The following SPMIP3 variants were observed in gnomAD, a reference collection of about 807,000 sequenced individuals.
The protein encoded by SPMIP3 is sperm microtubule inner protein 3.
chr1:244,364,113 C>CTT, the SPMIP3 span, among the ~76,000 whole-genome samples: 1,742 of 148,084 alleles, frequency 0.012, 34 homozygotes, highest in African/African-American at 0.039. Context: ...TTTGCTTTTT[C>CTT]TTTTTTTTTT....
the SPMIP3 span, among the ~76,000 whole-genome samples, chr1:244,357,815 G>A: frequency 1.3e-5 from 2 of 152,024 alleles, no homozygotes; most frequent in Non-Finnish European, 2.9e-5. Context: ...CAGAGGCTCA[G>A]GCCTGTAATC....
chr1:244,364,020 A>C, the SPMIP3 span, among the ~76,000 whole-genome samples: 11 of 152,224 alleles, frequency 7.2e-5, no homozygotes, highest in Admixed American at 7.2e-4. Context: ...ATCTTGGGTC[A>C]CAACTGATCA....
chr1:244,384,112 C>T, the SPMIP3 span, among the ~76,000 whole-genome samples: 1 of 152,144 alleles, frequency 6.6e-6, no homozygotes, highest in Non-Finnish European at 1.5e-5. Flanking sequence ...AAATGTTCCT[C>T]TAACTGTGGA....
chr1:244,373,118 C>G, the SPMIP3 span, among the ~76,000 whole-genome samples: 1 of 151,588 alleles, frequency 6.6e-6, no homozygotes, highest in African/African-American at 2.4e-5. Context: ...CAGCGGCTCG[C>G]ACCTGCAATC....
the SPMIP3 span, among the ~76,000 whole-genome samples, chr1:244,355,413 G>A: frequency 1.2e-4 from 19 of 152,162 alleles, no homozygotes; most frequent in South Asian, 1.5e-3. Flanking sequence ...TGATTGAGAC[G>A]GAGTGTCATC....
At chr1:244,360,306 T>C in the SPMIP3 span, among the ~76,000 whole-genome samples, 3 of 152,100 alleles carry the variant, frequency 2.0e-5, no homozygotes, top group African/African-American at 7.2e-5. Flanking sequence ...GAGAACAGTA[T>C]GAAGGTTCCT....
the SPMIP3 span, among the ~76,000 whole-genome samples, chr1:244,384,241 T>C: frequency 6.6e-6 from 1 of 152,176 alleles, no homozygotes; most frequent in East Asian, 1.9e-4. Flanking sequence ...CTCACTCCCA[T>C]TGCCCAGGCT....
At chr1:244,360,273 T>C in the SPMIP3 span, among the ~76,000 whole-genome samples, 303 of 152,204 alleles carry the variant, frequency 2.0e-3, 5 homozygotes, top group African/African-American at 6.9e-3. Context: ...TTGGTAGGAA[T>C]GTAAATTAGT....
chr1:244,384,752 G>T, the SPMIP3 span, among the ~76,000 whole-genome samples: 1 of 152,160 alleles, frequency 6.6e-6, no homozygotes, highest in African/African-American at 2.4e-5. Context: ...TGCTTAGGTG[G>T]CAATGATTGT....
At chr1:244,353,307 G>A in the SPMIP3 span, among the ~76,000 whole-genome samples, 32 of 152,158 alleles carry the variant, frequency 2.1e-4, no homozygotes, top group Non-Finnish European at 2.9e-5. Context: ...CACTCTGGGA[G>A]GCCGAGGTGG....
chr1:244,356,731 A>G, the SPMIP3 span, among the ~76,000 whole-genome samples: 2 of 152,172 alleles, frequency 1.3e-5, no homozygotes, highest in Non-Finnish European at 2.9e-5. Context: ...AAATATATTC[A>G]TAGAGATATT....
At chr1:244,378,559 G>C in the SPMIP3 span, 4 of 1,613,792 alleles carry the variant, frequency 2.5e-6, no homozygotes, top group Non-Finnish European at 2.5e-6. Context: ...ATTTGTCTTC[G>C]AAGACATTCA....
At chr1:244,370,816 C>A in the SPMIP3 span, among the ~76,000 whole-genome samples, 1 of 152,168 alleles carries the variant, frequency 6.6e-6, no homozygotes, top group African/African-American at 2.4e-5. Flanking sequence ...ACGGCGCTGG[C>A]ATTTACTTGT....
chr1:244,356,918 C>CTT, the SPMIP3 span, among the ~76,000 whole-genome samples: 2,486 of 103,720 alleles, frequency 0.024, 104 homozygotes, highest in East Asian at 0.068. Context: ...TTTTCTTTTC[C>CTT]TTTTTTTTTT....
At chr1:244,353,980 T>A in the SPMIP3 span, among the ~76,000 whole-genome samples, 1 of 152,108 alleles carries the variant, frequency 6.6e-6, no homozygotes, top group Non-Finnish European at 1.5e-5. Context: ...CATCCTCAGA[T>A]CACTAGGGCA....
At chr1:244,374,576 C>T in the SPMIP3 span, among the ~76,000 whole-genome samples, 1 of 148,078 alleles carries the variant, frequency 6.8e-6, no homozygotes, top group South Asian at 2.1e-4. Flanking sequence ...TTTACGGATT[C>T]CCACATTTCT....
chr1:244,357,957 A>G, the SPMIP3 span, among the ~76,000 whole-genome samples: 1 of 152,030 alleles, frequency 6.6e-6, no homozygotes, highest in African/African-American at 2.4e-5. Flanking sequence ...GTGTGGTGGC[A>G]TGCACCTGCA....
At chr1:244,370,029 T>C in the SPMIP3 span, among the ~76,000 whole-genome samples, 43 of 152,210 alleles carry the variant, frequency 2.8e-4, 1 homozygote, top group Non-Finnish European at 1.5e-5. Flanking sequence ...GTCTGCAGCA[T>C]GATTTTACAG....
chr1:244,373,169 C>A, the SPMIP3 span, among the ~76,000 whole-genome samples: 1 of 151,364 alleles, frequency 6.6e-6, no homozygotes. Flanking sequence ...TCACTTGAGC[C>A]CAGGAGTTCC....
Sources: gnomAD v4.1 joint callset for allele counts (sites outside exome capture counted in the v4.1 genomes callset) on GRCh38, gnomAD v4.1.1 for gene constraint, MANE v1.5 for transcripts, NCBI Gene and HGNC (gene_info 2026-07-23, HGNC 2026-07-21) for gene names.